The following PTPRM variants were observed in gnomAD, a reference collection of about 807,000 sequenced individuals.
PTPRM encodes receptor-type tyrosine-protein phosphatase mu.
Under a neutral mutation model 186.7 loss-of-function variants are expected in PTPRM, and 47 were observed. That is an observed-to-expected ratio of 0.25 (90% CI 0.20 to 0.32). The LOEUF (loss-of-function observed/expected upper bound fraction) is 0.32. PTPRM is among the 10% of genes least tolerant of loss of function. PTPRM has a pLI of 1.00. For synonymous variants in PTPRM, 668 were observed against 674.9 expected (o/e 0.99, Z 0.16); for missense variants, 1,494 against 1,865.0 (o/e 0.80, Z 3.66).
intron 31 of PTPRM, among the ~76,000 whole-genome samples, chr18:8,393,539 G>A (rs549349330): frequency 8.5e-5 from 13 of 152,314 alleles, no homozygotes; most frequent in Admixed American, 5.2e-4. Flanking sequence ...AAGGACATTC[G>A]TGGAGGAACT....
At chr18:8,267,169 G>A (rs1247345335) in intron 19 of PTPRM, among the ~76,000 whole-genome samples, 2 of 151,948 alleles carry the variant, frequency 1.3e-5, no homozygotes. Flanking sequence ...CCAATTTTAT[G>A]GCCAAAATAT....
chr18:8,259,100 G>A (rs954334174), intron 19 of PTPRM, among the ~76,000 whole-genome samples: 1 of 152,024 alleles, frequency 6.6e-6, no homozygotes, highest in Non-Finnish European at 1.5e-5. Flanking sequence ...AGGCTTGCAC[G>A]ACCATGCCCG....
intron 14 of PTPRM, among the ~76,000 whole-genome samples, chr18:8,175,959 A>T (rs1568467740): frequency 6.6e-6 from 1 of 152,232 alleles, no homozygotes; most frequent in Non-Finnish European, 1.5e-5. Flanking sequence ...AGCCTAAAGA[A>T]CAAGCATGTG....
intron 1 of PTPRM, among the ~76,000 whole-genome samples, chr18:7,630,270 G>A (rs868489258): frequency 1.6e-4 from 25 of 152,278 alleles, no homozygotes; most frequent in Middle Eastern, 6.8e-3. Context: ...AGGAAAACCA[G>A]GATTCGGCCG....
At chr18:8,292,046 G>A (rs753690310) in intron 19 of PTPRM, among the ~76,000 whole-genome samples, 22 of 152,168 alleles carry the variant, frequency 1.4e-4, no homozygotes, top group Non-Finnish European at 2.9e-4. Context: ...CCCAGTTACT[G>A]TACTTGCCCT....
chr18:8,150,247 T>G (rs573942777), intron 14 of PTPRM, among the ~76,000 whole-genome samples: 1 of 152,362 alleles, frequency 6.6e-6, no homozygotes, highest in South Asian at 2.1e-4. Flanking sequence ...GTTTTCCAAC[T>G]TGGTTCCATT....
At chr18:8,254,560 A>AC (rs1342441474) in intron 19 of PTPRM, among the ~76,000 whole-genome samples, 1 of 152,150 alleles carries the variant, frequency 6.6e-6, no homozygotes, top group African/African-American at 2.4e-5. Context: ...TCTCATATTC[A>AC]CCTAACTAGC....
At chr18:7,847,372 G>T (rs566227522) in intron 2 of PTPRM, among the ~76,000 whole-genome samples, 1 of 152,018 alleles carries the variant, frequency 6.6e-6, no homozygotes, top group East Asian at 1.9e-4. Context: ...TAACCATGTT[G>T]CCCAGGCTGG....
In PTPRM at chr18:8,385,905, C is replaced by T. The variant is rs539823214; in HGVS notation, c.4045-1167C>T. ...GATAGGAGAGGAGATCATGGTGAGA[C>T]GGGAGAGAGCAGGAGTGGAGGTCAT... On this transcript the variant is annotated intron_variant, in intron 30 of 32. Transcript: ENST00000580170. Among the ~76,000 whole-genome samples, 34 of 152,040 alleles carry T rather than the reference C, an allele frequency of 2.2e-4. No individual in the cohort carries two copies. In the South Asian group the frequency reaches 2.9e-3, roughly 13 times the overall value.
At chr18:8,143,368 T>A (rs914882501) in intron 13 of PTPRM, among the ~76,000 whole-genome samples, 1 of 151,898 alleles carries the variant, frequency 6.6e-6, no homozygotes, top group African/African-American at 2.4e-5. Flanking sequence ...AAATAATATT[T>A]TTCTAAAAAA....
chr18:7,725,425 G>A (rs777103076), intron 1 of PTPRM, among the ~76,000 whole-genome samples: 3 of 152,178 alleles, frequency 2.0e-5, no homozygotes, highest in South Asian at 2.1e-4. Context: ...AGAAAAGGAC[G>A]GGTCCCTGGT....
chr18:8,156,115 G>A (rs972832472), intron 14 of PTPRM, among the ~76,000 whole-genome samples: 5 of 152,158 alleles, frequency 3.3e-5, no homozygotes, highest in South Asian at 2.1e-4. Flanking sequence ...TAATTGAATA[G>A]GGTTGAGGTA....
chr18:8,158,628 G>A (rs553735872), intron 14 of PTPRM, among the ~76,000 whole-genome samples: 23 of 152,232 alleles, frequency 1.5e-4, no homozygotes, highest in African/African-American at 3.9e-4. Context: ...TACTATAAAC[G>A]AATACCTGAG....
chr18:8,152,098 T>C (rs931714287), intron 14 of PTPRM, among the ~76,000 whole-genome samples: 2 of 152,272 alleles, frequency 1.3e-5, no homozygotes, highest in African/African-American at 4.8e-5. Context: ...GCTGTTCCTA[T>C]TCAGCCATCT....
rs142625189 is a variant in PTPRM, at chr18:8,232,609, C to T, written c.2301-11449C>T. 3.8e-3 allele frequency among the ~76,000 whole-genome samples: 583 copies of T among 152,156 alleles called. 3 individuals are homozygous for T. The highest frequency in any genetic ancestry group is 0.024 in the Middle Eastern group (7 of 292). On this transcript the variant is annotated intron_variant, in intron 14 of 32. Transcript: ENST00000580170. ...TACGATCTTGGCTCACTGCAATGTCCGCCTCCCAGGCTCAAGCCATTCTCC... is the reference window on the plus strand; with the variant it reads ...TACGATCTTGGCTCACTGCAATGTCTGCCTCCCAGGCTCAAGCCATTCTCC...
intron 7 of PTPRM, among the ~76,000 whole-genome samples, chr18:7,984,592 T>C (rs1407247454): frequency 1.2e-3 from 153 of 122,998 alleles, no homozygotes; most frequent in African/African-American, 4.1e-3. Flanking sequence ...TATATATATA[T>C]ATATATATAT....
At chr18:7,833,520 G>C (rs1409157046) in intron 2 of PTPRM, among the ~76,000 whole-genome samples, 2 of 152,158 alleles carry the variant, frequency 1.3e-5, no homozygotes, top group Admixed American at 6.5e-5. Context: ...GATCACCTGA[G>C]GTCAGGAGTT....
chr18:8,229,523 G>A (rs2147141635), intron 14 of PTPRM, among the ~76,000 whole-genome samples: 1 of 152,144 alleles, frequency 6.6e-6, no homozygotes, highest in East Asian at 1.9e-4. Context: ...AGGATATTGG[G>A]TGTATTTTTT....
intron 22 of PTPRM, among the ~76,000 whole-genome samples, chr18:8,323,364 C>G (rs537223119): frequency 5.3e-5 from 8 of 152,224 alleles, no homozygotes; most frequent in South Asian, 4.2e-4. Flanking sequence ...TGCTCACCCC[C>G]CAAAACCATA....
Sources: allele counts gnomAD v4.1 joint callset (sites outside exome capture counted in the v4.1 genomes callset), GRCh38; gene constraint gnomAD v4.1.1; transcripts MANE v1.5; gene names NCBI Gene and HGNC (gene_info 2026-07-23, HGNC 2026-07-21).